The following SIPA1L1 variants were observed in gnomAD, a reference collection of about 807,000 sequenced individuals.
SIPA1L1 encodes signal induced proliferation associated 1 like 1.
SIPA1L1 carries 26 observed loss-of-function variants against 162.7 expected under a neutral mutation model. That is an observed-to-expected ratio of 0.16 (90% CI 0.12 to 0.22). SIPA1L1 has a LOEUF of 0.22. SIPA1L1 is among the 10% of genes least tolerant of loss of function. The pLI is 1.00. For synonymous variants in SIPA1L1, 829 were observed against 837.4 expected (o/e 0.99, Z 0.17); for missense variants, 1,874 against 2,241.0 (o/e 0.84, Z 3.31).
Position 71,699,090 on chromosome 14 carries a change from G to T in SIPA1L1, c.3484G>T (p.Val1162Leu). 1 of 1,614,154 alleles carries T rather than the reference G, an allele frequency of 6.2e-7. No homozygotes were observed. Among genetic ancestry groups the T allele is most frequent in the Non-Finnish European group, 8.5e-7 (1 of 1,179,986 alleles). Residue 1162 changes from valine to leucine, a missense_variant, in exon 14 of 24, where the codon GTG (valine) becomes TTG (leucine). Coordinates refer to ENST00000381232, the MANE Select transcript of SIPA1L1 (RefSeq NM_001386936.1). ...NLSSSSDTGS[V>L]GGTYRQKSMP... is the part of the protein sequence containing the mutation. The stretch of plus-strand genomic sequence containing the variant: ...GTCTTCATCCAGTGATACTGGTTCT[G>T]TGGGGGGCACTTACAGGCAGAAGTC...
chr14:71,723,593 A>G (rs1037205083), intron 17 of SIPA1L1, 54 bp from the exon 18 acceptor site: 63 of 1,605,170 alleles, frequency 3.9e-5, no homozygotes, highest in Non-Finnish European at 5.2e-5. Context: ...CAGCACTTTT[A>G]TAGCTGACAT....
chr14:71,357,009 T>C (rs937772384), intron 2 of SIPA1L1, among the ~76,000 whole-genome samples: 1 of 152,162 alleles, frequency 6.6e-6, no homozygotes, highest in Non-Finnish European at 1.5e-5. Flanking sequence ...ATGAATCTGA[T>C]GGTGGGTTAG....
At chr14:71,560,767 C>A (rs1010430617) in intron 4 of SIPA1L1, among the ~76,000 whole-genome samples, 5 of 152,194 alleles carry the variant, frequency 3.3e-5, no homozygotes, top group African/African-American at 1.2e-4. Context: ...GTCTTCCATA[C>A]CTGCTGGAGT....
chr14:71,323,003 T>C (rs1566885292), intron 2 of SIPA1L1, among the ~76,000 whole-genome samples: 1 of 152,248 alleles, frequency 6.6e-6, no homozygotes, highest in Non-Finnish European at 1.5e-5. Context: ...AGGTAATAAT[T>C]GCAAAGCACC....
chr14:71,709,745 AAT>A (rs1406010768), intron 17 of SIPA1L1, 81 bp downstream of exon 17: 4 of 1,178,086 alleles, frequency 3.4e-6, no homozygotes, highest in Non-Finnish European at 4.8e-6. Context: ...TACTTTGCTC[AAT>A]AGTGTATAAG....
intron 2 of SIPA1L1, among the ~76,000 whole-genome samples, chr14:71,502,242 GAAA>G (rs139102210): frequency 6.5e-5 from 7 of 108,336 alleles, no homozygotes; most frequent in African/African-American, 1.9e-4. Flanking sequence ...TGAGATACTT[GAAA>G]AAAAAAAAAA....
chr14:71,609,612 G>T (rs914611922), intron 5 of SIPA1L1, among the ~76,000 whole-genome samples: 1 of 152,026 alleles, frequency 6.6e-6, no homozygotes, highest in Non-Finnish European at 1.5e-5. Flanking sequence ...GATTACAGGT[G>T]CACACCACCA....
chr14:71,416,298 A>G (rs1297284592), intron 2 of SIPA1L1: 1 of 152,228 alleles, frequency 6.6e-6, no homozygotes, highest in Non-Finnish European at 1.5e-5. Context: ...GACAATATCA[A>G]GAACTGATGG....
chr14:71,653,785 C>T (rs938354254), intron 8 of SIPA1L1, among the ~76,000 whole-genome samples: 6 of 152,168 alleles, frequency 3.9e-5, no homozygotes, highest in Non-Finnish European at 7.3e-5. Flanking sequence ...TATGCCGTCT[C>T]GTTTAATTCC....
At chr14:71,361,088 C>T (rs539006837) in intron 2 of SIPA1L1, among the ~76,000 whole-genome samples, 2 of 152,188 alleles carry the variant, frequency 1.3e-5, no homozygotes, top group African/African-American at 4.8e-5. Flanking sequence ...TACCCTTCCC[C>T]CTTCACTAGG....
At chr14:71,485,044 G>A (rs1487719319) in intron 2 of SIPA1L1, among the ~76,000 whole-genome samples, 2 of 152,284 alleles carry the variant, frequency 1.3e-5, no homozygotes, top group East Asian at 3.9e-4. Context: ...AGTGTAATTC[G>A]TTGCCCATGA....
At chr14:71,615,213 CTG>C (rs1285314996) in intron 5 of SIPA1L1, among the ~76,000 whole-genome samples, 4 of 152,092 alleles carry the variant, frequency 2.6e-5, no homozygotes, top group South Asian at 2.1e-4. Flanking sequence ...TGATAAAAGA[CTG>C]TGAGTTTGAG....
At chr14:71,638,941 A>G (rs980150392) in intron 7 of SIPA1L1, among the ~76,000 whole-genome samples, 1 of 152,212 alleles carries the variant, frequency 6.6e-6, no homozygotes, top group African/African-American at 2.4e-5. Context: ...GCCTGTGCCT[A>G]TAATCCCAGA....
chr14:71,693,273 G>A (rs138893759), intron 13 of SIPA1L1, among the ~76,000 whole-genome samples: 211 of 152,266 alleles, frequency 1.4e-3, no homozygotes, highest in Non-Finnish European at 2.5e-3. Flanking sequence ...TGGGGAGGTC[G>A]AGGCAAGTGG....
chr14:71,502,895 T>G (rs2050372610), intron 2 of SIPA1L1, among the ~76,000 whole-genome samples: 1 of 152,220 alleles, frequency 6.6e-6, no homozygotes, highest in South Asian at 2.1e-4. Context: ...CCTAGCATAG[T>G]GCATTCCTTA....
intron 4 of SIPA1L1, among the ~76,000 whole-genome samples, chr14:71,565,507 A>T (rs540613676): frequency 1.3e-5 from 2 of 152,344 alleles, no homozygotes; most frequent in East Asian, 3.8e-4. Flanking sequence ...TGAAAGTATA[A>T]TATCTTTTCC....
At chr14:71,597,857 C>G (rs772257216) in intron 5 of SIPA1L1, among the ~76,000 whole-genome samples, 1 of 152,172 alleles carries the variant, frequency 6.6e-6, no homozygotes, top group Non-Finnish European at 1.5e-5. Flanking sequence ...CCTAGCACCT[C>G]TTGTTCTGCA....
At chr14:71,672,657 C>T (rs770958242) in intron 12 of SIPA1L1, 35 bp downstream of exon 12, 13 of 1,601,314 alleles carry the variant, frequency 8.1e-6, no homozygotes, top group South Asian at 4.5e-5. Context: ...GCCTGAGACT[C>T]GAGTGCAGGG....
chr14:71,738,668 A>G lies in SIPA1L1; in HGVS notation c.5208+343A>G, dbSNP rs76027056. ...GGGGCTTTTGCACCAAAAGAACTGAATGTTTTGTTTTTTGGGTGGCCTTGA... is the reference window on the plus strand; with the variant it reads ...GGGGCTTTTGCACCAAAAGAACTGAGTGTTTTGTTTTTTGGGTGGCCTTGA... On this transcript the variant is annotated intron_variant, in intron 23 of 23. Transcript: ENST00000381232. Among the ~76,000 whole-genome samples, 55 of 152,296 alleles carry G rather than the reference A, an allele frequency of 3.6e-4. No individual in the cohort carries two copies. The East Asian group carries it at 4.8e-3, about 13-fold the overall frequency.
Sources: gnomAD v4.1 joint callset for allele counts (sites outside exome capture counted in the v4.1 genomes callset) on GRCh38, gnomAD v4.1.1 for gene constraint, MANE v1.5 for transcripts, NCBI Gene and HGNC (gene_info 2026-07-23, HGNC 2026-07-21) for gene names.